Variants in MMRN1 observed in about 807,000 individuals in gnomAD.
MMRN1 encodes the protein multimerin 1.
Under a neutral mutation model 100.7 loss-of-function variants are expected in MMRN1, and 94 were observed. The observed-to-expected ratio is 0.93, with a 90% confidence interval of 0.79 to 1.11. MMRN1 has a LOEUF of 1.11. Among genes scored for constraint, MMRN1 ranks in the 50% least tolerant of loss-of-function variants. The pLI, the probability that MMRN1 is intolerant of heterozygous loss-of-function variation, is 0.00. For missense variants in MMRN1, 1,606 were observed against 1,439.1 expected (o/e 1.12, Z -1.88); for synonymous variants, 575 against 505.0 (o/e 1.14, Z -1.86).
Position 89,935,385 on chromosome 4 carries a change from A to T in MMRN1, c.1705A>T (p.Ile569Phe), listed in dbSNP as rs745976284. ...MMLQMFEDLH[I>F]QESKINNLTV... is the part of the protein sequence containing the mutation. ...GCTGCAAATGTTTGAAGATTTGCAC[A>T]TTCAAGAAAGCAAGATTAACAATCT... Residue 569 changes from isoleucine to phenylalanine, a missense_variant, in exon 6 of 8, where the codon ATT becomes TTT. By Grantham distance (21) the Ile-to-Phe change is conservative. Coordinates refer to ENST00000264790, the MANE Select transcript of MMRN1 (RefSeq NM_007351.3). 6.2e-6 allele frequency: 10 copies of T among 1,613,274 alleles called. No homozygotes were observed. Among genetic ancestry groups the T allele is most frequent in the African/African-American group, 1.3e-5 (1 of 74,906 alleles).
rs190484169 is a variant in MMRN1 at position 89,906,659 on chromosome 4, A to G, written c.624-2617A>G. Among the ~76,000 whole-genome samples the G allele has an allele frequency of 1.0e-3, 157 of 151,594 alleles. 1 individual carries two copies. The highest frequency in any genetic ancestry group is 7.8e-4 in the East Asian group (4 of 5,148). ...GCCATGCTTCATTTTCTATTTTTAAACCTACATTTTCAGATAATTTGGCTT... is the reference window on the plus strand; with the variant it reads ...GCCATGCTTCATTTTCTATTTTTAAGCCTACATTTTCAGATAATTTGGCTT... On this transcript the variant is annotated intron_variant, in intron 1 of 7. Coordinates refer to ENST00000264790, the MANE Select transcript of MMRN1 (RefSeq NM_007351.3).
At chr4:89,914,543 A>G (rs545489491) in intron 3 of MMRN1, among the ~76,000 whole-genome samples, 1 of 151,612 alleles carries the variant, frequency 6.6e-6, no homozygotes, top group African/African-American at 2.4e-5. Context: ...TTGGGGGAAA[A>G]AAGGAGTACT....
intron 1 of MMRN1, among the ~76,000 whole-genome samples, chr4:89,883,934 G>A (rs1225250319): frequency 6.6e-6 from 1 of 151,964 alleles, no homozygotes; most frequent in Non-Finnish European, 1.5e-5. Flanking sequence ...GTGGGTTCAA[G>A]GTAAAGGTTC....
chr4:89,898,601 T>C (rs1019404855), intron 1 of MMRN1, among the ~76,000 whole-genome samples: 1 of 151,852 alleles, frequency 6.6e-6, no homozygotes, highest in Non-Finnish European at 1.5e-5. Flanking sequence ...ATCTGCCTCC[T>C]GCCTACCTCC....
At chr4:89,917,783 G>A (rs1446648208) in intron 3 of MMRN1, among the ~76,000 whole-genome samples, 2 of 151,844 alleles carry the variant, frequency 1.3e-5, no homozygotes, top group Non-Finnish European at 2.9e-5. Context: ...CAATAAGTTT[G>A]TAATTTTATT....
chr4:89,895,505 C>T lies in MMRN1; in HGVS notation c.534C>T (p.Ala178=). ...GCACTGGAGGCGTGGGAAATCGAGC[C>T]CCACGGGAAACATACCTCAGCCGGG... is the stretch of plus-strand genomic sequence containing the variant. ...VGGTGGVGNR[A]PRETYLSRGD... is the part of the protein sequence containing the mutation. Residue 178 remains alanine (A), a synonymous_variant, in exon 1 of 8, where the codon GCC becomes GCT. Transcript: ENST00000264790. 3 of 1,613,768 alleles carry T rather than the reference C, an allele frequency of 1.9e-6. No individual in the cohort carries two copies. Among genetic ancestry groups the T allele is most frequent in the Non-Finnish European group, 1.7e-6 (2 of 1,179,880 alleles).
rs1722606784 is a variant in MMRN1 at position 89,935,786 on chromosome 4, T to G, written c.2106T>G (p.Leu702=). The G allele has an allele frequency of 1.2e-6, 2 of 1,612,808 alleles. No individual in the cohort carries two copies. Among genetic ancestry groups the G allele is most frequent in the Non-Finnish European group, 1.7e-6 (2 of 1,179,552 alleles). The change falls in exon 6 of 8, where the codon CTT becomes CTG. Residue 702 remains leucine (L), a synonymous_variant. Coordinates refer to ENST00000264790, the MANE Select transcript of MMRN1 (RefSeq NM_007351.3). ...AACTTACAAAAAGACACAACTTACT[T>G]AGAAATGAAGTACAGGGTCGTGATG... The part of the protein sequence containing the change: ...IKELTKRHNL[L]RNEVQGRDDA...
In MMRN1 at chr4:89,953,054, C is replaced by G; in HGVS notation, c.3323C>G (p.Thr1108Arg). ...ATGGTGGCATTTTTTGCATCTCATACGTATGGAATGACTATACCTGGTCCT... is the reference window on the plus strand; with the variant it reads ...ATGGTGGCATTTTTTGCATCTCATAGGTATGGAATGACTATACCTGGTCCT... Reference protein sequence around the residue: ...APMVAFFASHTYGMTIPGPIL... With the variant: ...APMVAFFASHRYGMTIPGPIL... The change falls in exon 8 of 8, where the codon ACG becomes AGG. Residue 1108 changes from threonine (T) to arginine (R), a missense_variant. Physicochemically the swap from Thr to Arg is moderately conservative, Grantham distance 71. Transcript: ENST00000264790. 1 of 1,613,528 alleles carries G rather than the reference C, an allele frequency of 6.2e-7. No homozygotes were observed. The highest frequency in any genetic ancestry group is 1.1e-5 in the South Asian group (1 of 90,990).
rs1234532952 is a variant in MMRN1 at position 89,935,620 on chromosome 4, A to C, written c.1940A>C (p.Glu647Ala). ...CTAAATGATTTGACTTATGATATGGAGATCCTTCAACCCTTGCTTGAGCAG... is the reference window on the plus strand; with the variant it reads ...CTAAATGATTTGACTTATGATATGGCGATCCTTCAACCCTTGCTTGAGCAG... ...EQLNDLTYDM[E>A]ILQPLLEQGA... The change falls in exon 6 of 8, where the codon GAG becomes GCG. Residue 647 changes from glutamate to alanine, a missense_variant. Physicochemically the swap from Glu to Ala is moderately radical, Grantham distance 107. Transcript: ENST00000264790. 2 of 1,613,450 alleles carry C rather than the reference A, an allele frequency of 1.2e-6. No individual in the cohort carries two copies. The highest frequency in any genetic ancestry group is 4.5e-5 in the East Asian group (2 of 44,820).
In MMRN1 at chr4:89,935,657, C is replaced by T. The variant is rs1325459087; in HGVS notation, c.1977C>T (p.Leu659=). The T allele has an allele frequency of 6.2e-7, 1 of 1,613,200 alleles. No homozygotes were observed. Among genetic ancestry groups the T allele is most frequent in the African/African-American group, 1.3e-5 (1 of 74,868 alleles). Residue 659 remains leucine, a synonymous_variant, in exon 6 of 8, where the codon CTC becomes CTT. Coordinates refer to ENST00000264790, the MANE Select transcript of MMRN1 (RefSeq NM_007351.3). ...CCTTGCTTGAGCAGGGAGCATCACT[C>T]AGACAGACAATGACATATGAACAAC... ...LQPLLEQGAS[L]RQTMTYEQPK... is the part of the protein sequence containing the mutation.
chr4:89,948,373 A>G (rs942177309), intron 6 of MMRN1, among the ~76,000 whole-genome samples: 1 of 152,214 alleles, frequency 6.6e-6, no homozygotes, highest in Non-Finnish European at 1.5e-5. Context: ...TGAAACATCT[A>G]TACAGAATAA....
chr4:89,900,959 G>A (rs541247193), intron 1 of MMRN1, among the ~76,000 whole-genome samples: 3 of 152,056 alleles, frequency 2.0e-5, no homozygotes, highest in African/African-American at 7.2e-5. Context: ...GTGTCATAGA[G>A]CAAAGGAAGA....
At chr4:89,924,170 T>C (rs909481036) in intron 4 of MMRN1, among the ~76,000 whole-genome samples, 4 of 152,174 alleles carry the variant, frequency 2.6e-5, no homozygotes, top group African/African-American at 9.7e-5. Context: ...TACATATATC[T>C]AGCTGCATAT....
chr4:89,922,962 A>G (rs1722136710), intron 3 of MMRN1, among the ~76,000 whole-genome samples: 1 of 152,090 alleles, frequency 6.6e-6, no homozygotes. Flanking sequence ...TTTTCCAAGC[A>G]GAATTAGAGT....
chr4:89,898,111 A>G (rs1721267463), intron 1 of MMRN1, among the ~76,000 whole-genome samples: 1 of 152,128 alleles, frequency 6.6e-6, no homozygotes, highest in Non-Finnish European at 1.5e-5. Flanking sequence ...AGAAAAGCCT[A>G]GGTCCTTCAC....
chr4:89,920,884 A>G (rs561345047), intron 3 of MMRN1, among the ~76,000 whole-genome samples: 31 of 152,072 alleles, frequency 2.0e-4, no homozygotes, highest in Non-Finnish European at 4.4e-4. Context: ...TGAGAATCTC[A>G]GGTGAGGGAG....
chr4:89,935,915 C>T lies in MMRN1; in HGVS notation c.2235C>T (p.Asn745=), dbSNP rs765999203. ...INNAIDFIQD[N]YALKETLSTI... ...ATGCTATTGATTTCATTCAAGATAA[C>T]TATGCCCTAAAAGAGACTTTAAGTA... Residue 745 remains asparagine (N), a synonymous_variant, in exon 6 of 8, where the codon AAC becomes AAT. Coordinates refer to ENST00000264790, the MANE Select transcript of MMRN1 (RefSeq NM_007351.3). 8 of 1,609,402 alleles carry T rather than the reference C, an allele frequency of 5.0e-6. No homozygotes were observed. The highest frequency in any genetic ancestry group is 1.7e-4 in the Middle Eastern group (1 of 6,016).
chr4:89,919,921 A>G (rs573176309), intron 3 of MMRN1, among the ~76,000 whole-genome samples: 6 of 152,178 alleles, frequency 3.9e-5, no homozygotes, highest in Non-Finnish European at 8.8e-5. Context: ...TGTAGCAAAT[A>G]CAAAAATCAT....
chr4:89,901,834 T>C (rs1410573411), intron 1 of MMRN1: 1 of 152,054 alleles, frequency 6.6e-6, no homozygotes, highest in Non-Finnish European at 1.5e-5. Flanking sequence ...GCTTATATAT[T>C]CCTAATAATT....
Sources: gnomAD v4.1 joint callset for allele counts (sites outside exome capture counted in the v4.1 genomes callset) on GRCh38, gnomAD v4.1.1 for gene constraint, MANE v1.5 for transcripts, NCBI Gene and HGNC (gene_info 2026-07-23, HGNC 2026-07-21) for gene names.